Variants in AGBL4 observed in about 807,000 individuals in gnomAD.
AGBL4 encodes AGBL carboxypeptidase 4.
AGBL4 carries 58 observed loss-of-function variants against 66.4 expected under a neutral mutation model. The observed-to-expected ratio is 0.87, with a 90% CI of 0.71 to 1.09. AGBL4 has a LOEUF of 1.09. AGBL4 is among the 50% of genes least tolerant of loss of function. The probability of loss-of-function intolerance (pLI) is 0.00; values close to 1 mark genes in which losing one functional copy is unlikely to be tolerated. For synonymous variants in AGBL4, 234 were observed against 222.9 expected, an observed-to-expected ratio of 1.05 and a Z score of -0.44; for missense variants, 579 against 631.0, an observed-to-expected ratio of 0.92 and a Z score of 0.88.
At chr1:48,696,647 C>T (rs551464160) in intron 6 of AGBL4, among the ~76,000 whole-genome samples, 17 of 152,278 alleles carry the variant, frequency 1.1e-4, no homozygotes, top group East Asian at 9.7e-4. Context: ...ACTTGAAAAG[C>T]GGGACACAGG....
At chr1:49,036,335 T>C (rs1259705622) in intron 5 of AGBL4, among the ~76,000 whole-genome samples, 2 of 152,158 alleles carry the variant, frequency 1.3e-5, no homozygotes, top group African/African-American at 4.8e-5. Context: ...AGTCCTATTC[T>C]GCTGTACATG....
intron 4 of AGBL4, among the ~76,000 whole-genome samples, chr1:49,172,304 C>T (rs1646753255): frequency 6.6e-6 from 1 of 152,164 alleles, no homozygotes; most frequent in Non-Finnish European, 1.5e-5. Flanking sequence ...GACAGGCAGA[C>T]ATATAATTCT....
At chr1:48,644,817 C>T (rs1025069235) in intron 8 of AGBL4, among the ~76,000 whole-genome samples, 3 of 152,052 alleles carry the variant, frequency 2.0e-5, no homozygotes, top group African/African-American at 7.2e-5. Context: ...GGGGAGCCGC[C>T]GAAGGATTTT....
At chr1:48,664,692 T>C (rs1441350571) in intron 6 of AGBL4, among the ~76,000 whole-genome samples, 2 of 152,228 alleles carry the variant, frequency 1.3e-5, no homozygotes, top group Non-Finnish European at 2.9e-5. Flanking sequence ...TCAAGCTCTT[T>C]TTGTCTCTGC....
intron 6 of AGBL4, among the ~76,000 whole-genome samples, chr1:48,690,210 G>A (rs207460110): frequency 6.6e-6 from 1 of 152,234 alleles, no homozygotes; most frequent in Non-Finnish European, 1.5e-5. Context: ...CAGCCTTGAA[G>A]ACTTGCATTA....
At chr1:49,679,859 A>C (rs1291293404) in intron 3 of AGBL4, among the ~76,000 whole-genome samples, 1 of 152,086 alleles carries the variant, frequency 6.6e-6, no homozygotes, top group African/African-American at 2.4e-5. Context: ...TCTTTTAATC[A>C]CTTAATGCTC....
At chr1:48,564,720 A>G (rs555729361) in intron 11 of AGBL4, among the ~76,000 whole-genome samples, 1 of 152,350 alleles carries the variant, frequency 6.6e-6, no homozygotes, top group Admixed American at 6.5e-5. Flanking sequence ...GACAAGTGAG[A>G]CAGTAAATGC....
intron 11 of AGBL4, among the ~76,000 whole-genome samples, chr1:48,546,126 A>C (rs1313164402): frequency 6.6e-6 from 1 of 152,230 alleles, no homozygotes; most frequent in Non-Finnish European, 1.5e-5. Flanking sequence ...CGCAATGCAT[A>C]CAGTGTAGTT....
intron 3 of AGBL4, among the ~76,000 whole-genome samples, chr1:49,515,880 G>A (rs1369864777): frequency 8.1e-6 from 1 of 122,930 alleles, no homozygotes; most frequent in Non-Finnish European, 1.6e-5. Flanking sequence ...ACACACCGGG[G>A]CCTGTTGTGG....
At chr1:49,443,855 G>A (rs1646093427) in intron 3 of AGBL4, among the ~76,000 whole-genome samples, 1 of 151,302 alleles carries the variant, frequency 6.6e-6, no homozygotes, top group Admixed American at 6.6e-5. Flanking sequence ...TGCATTATTA[G>A]ACTGCTGATT....
intron 6 of AGBL4, chr1:48,761,566 G>T (rs1179307751): frequency 1.5e-6 from 2 of 1,297,056 alleles, no homozygotes; most frequent in African/African-American, 3.0e-5. Context: ...GAAAATAATT[G>T]AGGCCAGACC....
chr1:48,776,807 C>A, intron 6 of AGBL4: 4 of 1,522,520 alleles, frequency 2.6e-6, no homozygotes, highest in Non-Finnish European at 1.8e-6. Flanking sequence ...ACGTTGTCCT[C>A]CAGGAACCGC....
rs530874760 is a variant in AGBL4, at chr1:49,091,319, C to A, written c.378-45519G>T. On this transcript the variant is annotated intron_variant, in intron 4 of 13. Coordinates refer to ENST00000371839, the MANE Select transcript of AGBL4 (RefSeq NM_032785.4). ...CCTATAGAATGGGAGGAAATATTTG[C>A]AAACTATGCATCCAACAAAGATCTG... Among the ~76,000 whole-genome samples, 4 of 152,108 alleles carry A rather than the reference C, an allele frequency of 2.6e-5. No individual in the cohort carries two copies. The East Asian group carries it at 7.7e-4, about 29-fold the overall frequency.
chr1:49,613,483 G>T (rs1645193781), intron 3 of AGBL4, among the ~76,000 whole-genome samples: 1 of 152,162 alleles, frequency 6.6e-6, no homozygotes, highest in South Asian at 2.1e-4. Flanking sequence ...AGCTTCATCT[G>T]TATTTACAGC....
intron 9 of AGBL4, among the ~76,000 whole-genome samples, chr1:48,605,216 G>C (rs1339755780): frequency 6.6e-6 from 1 of 152,162 alleles, no homozygotes; most frequent in Non-Finnish European, 1.5e-5. Flanking sequence ...CTTTGGGTTT[G>C]TCATGGGGAG....
chr1:48,741,537 G>A (rs1649909387), intron 6 of AGBL4, among the ~76,000 whole-genome samples: 1 of 152,230 alleles, frequency 6.6e-6, no homozygotes, highest in East Asian at 1.9e-4. Flanking sequence ...CAGGGGAGGA[G>A]GCGCTCAGTG....
chr1:49,300,740 C>T (rs1420971600), intron 3 of AGBL4, among the ~76,000 whole-genome samples: 1 of 152,188 alleles, frequency 6.6e-6, no homozygotes, highest in Non-Finnish European at 1.5e-5. Context: ...AGATTAATCT[C>T]TTCCATGCCT....
chr1:49,904,518 T>C (rs947666255), intron 1 of AGBL4, among the ~76,000 whole-genome samples: 2 of 152,132 alleles, frequency 1.3e-5, no homozygotes, highest in Non-Finnish European at 2.9e-5. Flanking sequence ...ATTATGGAGA[T>C]CCTCATATAA....
chr1:48,735,694 A>T (rs977083424), intron 6 of AGBL4, among the ~76,000 whole-genome samples: 9 of 151,938 alleles, frequency 5.9e-5, no homozygotes, highest in African/African-American at 2.2e-4. Flanking sequence ...GAATCTAGTG[A>T]CTACCAGCTG....
Sources: gnomAD v4.1 joint callset for allele counts (sites outside exome capture counted in the v4.1 genomes callset) on GRCh38, gnomAD v4.1.1 for gene constraint, MANE v1.5 for transcripts, NCBI Gene and HGNC (gene_info 2026-07-23, HGNC 2026-07-21) for gene names.